The following ZNF316 variants were observed in gnomAD, a reference collection of about 807,000 sequenced individuals.
The protein encoded by ZNF316 is zinc finger protein 316.
Under a neutral mutation model 75.6 loss-of-function variants are expected in ZNF316, and 23 were observed. That is an observed-to-expected ratio of 0.30 (90% CI 0.22 to 0.43). ZNF316 has a LOEUF of 0.43. ZNF316 is among the 20% of genes least tolerant of loss of function. The pLI, the probability that ZNF316 is intolerant of heterozygous loss-of-function variation, is 1.00. For synonymous variants in ZNF316, 827 were observed against 666.2 expected, an observed-to-expected ratio of 1.24 and a Z score of -3.72; for missense variants, 1,266 against 1,409.4, an observed-to-expected ratio of 0.90 and a Z score of 1.63.
chr7:6,654,377 C>G lies in ZNF316; in HGVS notation c.2781C>G (p.Ser927Arg), dbSNP rs749049659. 1 of 1,218,386 alleles carries G rather than the reference C, an allele frequency of 8.2e-7. No homozygotes were observed. The highest frequency in any genetic ancestry group is 1.6e-5 in the African/African-American group (1 of 63,706). 75.5% of individuals were successfully genotyped at this position (1,218,386 alleles called of 1,614,324 possible). ...CANCGRRFSQ[S>R]SHLLTHMKTH... ...ACTGCGGCCGCCGCTTCTCGCAGAG[C>G]TCGCACTTGCTCACCCACATGAAGA... The change falls in exon 9 of 9, where the codon AGC becomes AGG. Residue 927 changes from serine (S) to arginine (R), a missense_variant. Physicochemically the swap from Ser to Arg is moderately radical, Grantham distance 110. This residue lies in a region of ZNF316 where 194 missense variants were observed against 319.2 expected (regional missense o/e 0.61). Coordinates refer to ENST00000382252, the MANE Select transcript of ZNF316 (RefSeq NM_001278559.2).
intron 8 of ZNF316, among the ~76,000 whole-genome samples, chr7:6,650,678 G>T (rs1779492178): frequency 6.6e-6 from 1 of 152,208 alleles, no homozygotes; most frequent in Admixed American, 6.5e-5. Context: ...ATCCAGCTAG[G>T]TGACGGCTGA....
rs1779299564 is a variant in ZNF316, at chr7:6,640,782, C to T, written c.-166-1043C>T. On this transcript the variant is annotated intron_variant, in intron 3 of 8. Transcript: ENST00000382252. The surrounding 1 kb of genome is among the most constrained non-coding windows in gnomAD (Gnocchi z 5.1). ...CGGATCCCTCATGAATGGTCTAGCA[C>T]CGTCCCCTTGGTGATAAGGGAGTTC... Among the ~76,000 whole-genome samples the T allele has an allele frequency of 6.6e-6, 1 of 152,200 alleles. No homozygotes were observed. The highest frequency in any genetic ancestry group is 2.4e-5 in the African/African-American group (1 of 41,466).
In ZNF316 at chr7:6,637,949, C is replaced by T. The variant is rs1250694363; in HGVS notation, c.-327C>T. 2 of 152,204 alleles carry T rather than the reference C, an allele frequency of 1.3e-5. No homozygotes were observed. The highest frequency in any genetic ancestry group is 2.9e-5 in the Non-Finnish European group (2 of 68,052). 9.4% of individuals were successfully genotyped at this position (152,204 alleles called of 1,614,324 possible). Reference sequence around the variant, plus strand: ...TGTGACCTTGGGGGCCTTATCCGGGCTTTCCCTCATCTGCAGAAGGAGCCC... The same window carrying T: ...TGTGACCTTGGGGGCCTTATCCGGGTTTTCCCTCATCTGCAGAAGGAGCCC... On this transcript the variant is annotated 5_prime_UTR_variant, in exon 2 of 9. Coordinates refer to ENST00000382252, the MANE Select transcript of ZNF316 (RefSeq NM_001278559.2). The surrounding 1 kb of genome is among the most constrained non-coding windows in gnomAD (Gnocchi z 6.2).
Position 6,643,613 on chromosome 7 carries a change from C to T in ZNF316, c.466-209C>T, listed in dbSNP as rs570978936. Among the ~76,000 whole-genome samples the T allele has an allele frequency of 3.3e-5, 5 of 152,268 alleles. No individual in the cohort carries two copies. In the East Asian group the frequency reaches 5.8e-4, roughly 18 times the overall value. ...CACAGCTCTGCCCTACGAGCTGGGT[C>T]GTTCACCGTCTTTGAGCTTGAGTCC... On this transcript the variant is annotated intron_variant, in intron 6 of 8. Coordinates refer to ENST00000382252, the MANE Select transcript of ZNF316 (RefSeq NM_001278559.2).
chr7:6,648,130 C>T (rs1052580736), intron 8 of ZNF316, among the ~76,000 whole-genome samples: 1 of 152,208 alleles, frequency 6.6e-6, no homozygotes, highest in Non-Finnish European at 1.5e-5. Context: ...CGAGCACCCT[C>T]CCAGGTGTAG....
chr7:6,642,101 C>T lies in ZNF316; in HGVS notation c.-29+139C>T, dbSNP rs1204296996. 1 of 296,490 alleles carries T rather than the reference C, an allele frequency of 3.4e-6. No homozygotes were observed. The highest frequency in any genetic ancestry group is 5.4e-5 in the East Asian group (1 of 18,528). The allele number at this position is 296,490 out of a possible 1,614,324, so 18.4% of individuals were successfully genotyped here. A position where few individuals can be genotyped will look rare whatever the true frequency, so the allele number is the denominator to read the frequency against. On this transcript the variant is annotated intron_variant, in intron 4 of 8. Transcript: ENST00000382252. This position sits in a 1 kb window ranked among gnomAD's most constrained non-coding sequence, Gnocchi z 8.1. ...TTTACTCCAGGAAAGAGCAGCAGTT[C>T]ACACCAGGCACGTAGTTCTTGGTGA...
Position 6,640,679 on chromosome 7 carries a change from G to T in ZNF316, c.-166-1146G>T, listed in dbSNP as rs1434040448. ...GTCTCACGCTGAAGCATGATTTCCA[G>T]TGCTGGAGGCGGGCCTGCTGGGAGG... On this transcript the variant is annotated intron_variant, in intron 3 of 8. Coordinates refer to ENST00000382252, the MANE Select transcript of ZNF316 (RefSeq NM_001278559.2). The surrounding 1 kb of genome is among the most constrained non-coding windows in gnomAD (Gnocchi z 5.1). Among the ~76,000 whole-genome samples, 1 of 152,216 alleles carries T rather than the reference G, an allele frequency of 6.6e-6. No homozygotes were observed. Among genetic ancestry groups the T allele is most frequent in the Non-Finnish European group, 1.5e-5 (1 of 68,028 alleles).
chr7:6,657,831 CA>C lies in ZNF316; in HGVS notation c.*3246del, dbSNP rs747347808. ...GTGACAGAACAAGACCCTATCTCACCAAAAAAAAAAAAAAAAAAAAAAAAAA... is the reference window on the plus strand; with the variant it reads ...GTGACAGAACAAGACCCTATCTCACCAAAAAAAAAAAAAAAAAAAAAAAAA... On this transcript the variant is annotated 3_prime_UTR_variant, in exon 9 of 9. Transcript: ENST00000382252. Among the ~76,000 whole-genome samples the C allele has an allele frequency of 7.6e-3, 210 of 27,712 alleles. 1 individual carries two copies. Among genetic ancestry groups the C allele is most frequent in the African/African-American group, 0.027 (168 of 6,254 alleles). The allele number at this position is 27,712 out of a possible 152,430, so 18.2% of individuals were successfully genotyped here.
rs3049005 is a variant in ZNF316 at position 6,656,851 on chromosome 7, G to GCC, written c.*2243_*2244dup. ...CTCCAGTACCAGGGCAAGGTGTACA[G>GCC]CCCCAGGACCCAAAATGCCTCCCTT... On this transcript the variant is annotated 3_prime_UTR_variant, in exon 9 of 9. Coordinates refer to ENST00000382252, the MANE Select transcript of ZNF316 (RefSeq NM_001278559.2). Among the ~76,000 whole-genome samples the GCC allele has an allele frequency of 0.32, 47,984 of 151,920 alleles. 8,337 individuals carry two copies. The highest frequency in any genetic ancestry group is 0.47 in the African/African-American group (19,358 of 41,410).
chr7:6,652,730 C>T lies in ZNF316; in HGVS notation c.1134C>T (p.Cys378=), dbSNP rs1199521383. Residue 378 remains cysteine, a synonymous_variant, in exon 9 of 9, where the codon TGC becomes TGT. Coordinates refer to ENST00000382252, the MANE Select transcript of ZNF316 (RefSeq NM_001278559.2). ...TCAAGCCCTTCGGCTGCGAGGAGTG[C>T]GGCAAGGGCTTCGTGTACCGCTCGC... ...AAVKPFGCEE[C]GKGFVYRSHL... is the part of the protein sequence containing the mutation. The T allele has an allele frequency of 6.5e-5, 81 of 1,245,982 alleles. No homozygotes were observed. The highest frequency in any genetic ancestry group is 7.2e-5 in the Non-Finnish European group (72 of 994,602). The allele number at this position is 1,245,982 out of a possible 1,614,324, so 77.2% of individuals were successfully genotyped here. A position where few individuals can be genotyped will look rare whatever the true frequency, so the allele number is the denominator to read the frequency against.
intron 8 of ZNF316, among the ~76,000 whole-genome samples, chr7:6,650,635 T>C (rs929860402): frequency 2.0e-5 from 3 of 152,042 alleles, no homozygotes; most frequent in Non-Finnish European, 2.9e-5. Context: ...GCTCCGACTT[T>C]CCCTCTAGGG....
At chr7:6,648,164 G>A (rs1190279990) in intron 8 of ZNF316, among the ~76,000 whole-genome samples, 1 of 152,140 alleles carries the variant, frequency 6.6e-6, no homozygotes, top group Admixed American at 6.5e-5. Flanking sequence ...TCCAGGGCCT[G>A]AGGGCCTTGG....
Position 6,652,518 on chromosome 7 carries a change from G to A in ZNF316, c.922G>A (p.Ala308Thr), listed in dbSNP as rs1167903990. The change falls in exon 9 of 9, where the codon GCC (alanine) becomes ACC (threonine). Residue 308 changes from alanine (A) to threonine (T), a missense_variant. Ala to Thr is a moderately conservative substitution (Grantham distance 58). Coordinates refer to ENST00000382252, the MANE Select transcript of ZNF316 (RefSeq NM_001278559.2). ...GPDPGGLGVL[A>T]DGSEAKPFLP... The stretch of plus-strand genomic sequence containing the variant: ...CGACCCAGGCGGCCTGGGGGTCCTG[G>A]CCGACGGCTCTGAAGCGAAGCCTTT... The A allele has an allele frequency of 7.3e-6, 9 of 1,231,148 alleles. No homozygotes were observed. The highest frequency in any genetic ancestry group is 9.1e-6 in the Non-Finnish European group (9 of 987,606). 76.3% of individuals were successfully genotyped at this position (1,231,148 alleles called of 1,614,324 possible).
Position 6,657,907 on chromosome 7 carries a change from A to C in ZNF316, c.*3296A>C, listed in dbSNP as rs1374086434. Among the ~76,000 whole-genome samples the C allele has an allele frequency of 4.6e-5, 7 of 152,050 alleles. No individual in the cohort carries two copies. The highest frequency in any genetic ancestry group is 3.3e-4 in the Admixed American group (5 of 15,254). On this transcript the variant is annotated 3_prime_UTR_variant, in exon 9 of 9. Transcript: ENST00000382252. ...GACTGTCCAGCCAAATACTTAAAAA[A>C]AAAGTTTATAGGGAGAAAAATACCC...
intron 6 of ZNF316, among the ~76,000 whole-genome samples, chr7:6,643,344 G>A (rs1428934494): frequency 6.6e-6 from 1 of 152,246 alleles, no homozygotes; most frequent in East Asian, 1.9e-4. Context: ...CGACTTCAGA[G>A]GCCTGGCTCT....
At position 6,656,409 on chromosome 7, in the gene ZNF316, T is replaced by G. The variant is rs1313355354; in HGVS notation, c.*1798T>G. 2 of 152,160 alleles carry G rather than the reference T, an allele frequency of 1.3e-5. No homozygotes were observed. The highest frequency in any genetic ancestry group is 2.4e-5 in the African/African-American group (1 of 41,436). The allele number at this position is 152,160 out of a possible 1,614,324, so 9.4% of individuals were successfully genotyped here. On this transcript the variant is annotated 3_prime_UTR_variant, in exon 9 of 9. Coordinates refer to ENST00000382252, the MANE Select transcript of ZNF316 (RefSeq NM_001278559.2). ...CAGCTGTCAGCAGGAGGGCCTGGCTTTAATAAAGAGTGGACAAACTGAACT... is the reference window on the plus strand; with the variant it reads ...CAGCTGTCAGCAGGAGGGCCTGGCTGTAATAAAGAGTGGACAAACTGAACT...
rs560747381 is a variant in ZNF316, at chr7:6,652,801, C to T, written c.1205C>T (p.Pro402Leu). 6 of 1,271,056 alleles carry T rather than the reference C, an allele frequency of 4.7e-6. No individual in the cohort carries two copies. Among genetic ancestry groups the T allele is most frequent in the East Asian group, 3.0e-5 (1 of 33,280 alleles). 78.7% of individuals were successfully genotyped at this position (1,271,056 alleles called of 1,614,324 possible). The change falls in exon 9 of 9, where the codon CCG (proline) becomes CTG (leucine). Residue 402 changes from proline (P) to leucine (L), a missense_variant. This residue lies in a region of ZNF316 where 961 missense variants were observed against 990.9 expected (regional missense o/e 0.97). Coordinates refer to ENST00000382252, the MANE Select transcript of ZNF316 (RefSeq NM_001278559.2). ...QRTHTGEKPF[P>L]CPDCGKRFVY... ...ACGCACACCGGCGAGAAGCCCTTCC[C>T]GTGCCCGGACTGCGGCAAGCGCTTC...
Position 6,652,754 on chromosome 7 carries a change from G to A in ZNF316, c.1158G>A (p.Ser386=). 8 of 1,261,256 alleles carry A rather than the reference G, an allele frequency of 6.3e-6. No individual in the cohort carries two copies. Among genetic ancestry groups the A allele is most frequent in the Non-Finnish European group, 6.0e-6 (6 of 1,002,850 alleles). The allele number at this position is 1,261,256 out of a possible 1,614,324, so 78.1% of individuals were successfully genotyped here. A position where few individuals can be genotyped will look rare whatever the true frequency, so the allele number is the denominator to read the frequency against. ...GCGGCAAGGGCTTCGTGTACCGCTCGCACTTGGCCATCCACCAGCGCACGC... is the reference window on the plus strand; with the variant it reads ...GCGGCAAGGGCTTCGTGTACCGCTCACACTTGGCCATCCACCAGCGCACGC... The part of the protein sequence containing the change: ...EECGKGFVYR[S]HLAIHQRTHT... Residue 386 remains serine (S), a synonymous_variant, in exon 9 of 9, where the codon TCG becomes TCA. Coordinates refer to ENST00000382252, the MANE Select transcript of ZNF316 (RefSeq NM_001278559.2).
intron 6 of ZNF316, 50 bp downstream of exon 6, chr7:6,643,123 C>T (rs757829953): frequency 4.6e-5 from 57 of 1,232,100 alleles, no homozygotes; most frequent in Non-Finnish European, 5.7e-5. Context: ...CAGGGTTTCC[C>T]CCGGGGCCTC....
Sources: gnomAD v4.1 joint callset for allele counts (sites outside exome capture counted in the v4.1 genomes callset) on GRCh38, gnomAD v4.1.1 for gene constraint, gnomAD v4.1.1 regional missense constraint, Gnocchi (gnomAD v3.1) non-coding constraint, MANE v1.5 for transcripts, NCBI Gene and HGNC (gene_info 2026-07-23, HGNC 2026-07-21) for gene names.